POFUT3: variants seen among roughly 807,000 people sequenced by gnomAD.
POFUT3 encodes the protein GDP-fucose protein O-fucosyltransferase 3.
At chr8:33,406,580 C>G in the POFUT3 span, among the ~76,000 whole-genome samples, 1 of 151,828 alleles carries the variant, frequency 6.6e-6, no homozygotes, top group African/African-American at 2.4e-5. Flanking sequence ...ACCACAGGTG[C>G]ACTATCACGC....
chr8:33,468,239 C>CAA, the POFUT3 span, among the ~76,000 whole-genome samples: 5 of 124,822 alleles, frequency 4.0e-5, no homozygotes, highest in Admixed American at 2.6e-4. Context: ...AACTGTGTCT[C>CAA]AAAAAAAAAA....
At chr8:33,323,005 GC>G in the POFUT3 span, among the ~76,000 whole-genome samples, 1 of 151,816 alleles carries the variant, frequency 6.6e-6, no homozygotes, top group South Asian at 2.1e-4. Context: ...TCGTGAGGAT[GC>G]CAATTTTACA....
At chr8:33,380,163 CTATA>C in the POFUT3 span, among the ~76,000 whole-genome samples, 2 of 44,168 alleles carry the variant, frequency 4.5e-5, no homozygotes, top group African/African-American at 2.7e-4. Flanking sequence ...TATATATATA[CTATA>C]TATATATACT....
At chr8:33,355,534 T>G in the POFUT3 span, among the ~76,000 whole-genome samples, 1 of 152,166 alleles carries the variant, frequency 6.6e-6, no homozygotes, top group Non-Finnish European at 1.5e-5. Context: ...AAATTAACCA[T>G]CATGCATTAC....
the POFUT3 span, among the ~76,000 whole-genome samples, chr8:33,374,945 C>T: frequency 6.6e-6 from 1 of 151,098 alleles, no homozygotes; most frequent in Non-Finnish European, 1.5e-5. Context: ...ATGATCTCAG[C>T]TCACTGCAAC....
the POFUT3 span, among the ~76,000 whole-genome samples, chr8:33,465,507 G>C: frequency 6.6e-6 from 1 of 151,956 alleles, no homozygotes; most frequent in Non-Finnish European, 1.5e-5. Flanking sequence ...CTGTTGCCCA[G>C]GCTGGAGTGC....
At chr8:33,313,150 T>A in the POFUT3 span, among the ~76,000 whole-genome samples, 1 of 152,038 alleles carries the variant, frequency 6.6e-6, no homozygotes, top group Non-Finnish European at 1.5e-5. Context: ...GCATGCCAAG[T>A]GTTAATGGAG....
At chr8:33,399,708 G>A in the POFUT3 span, among the ~76,000 whole-genome samples, 12 of 151,598 alleles carry the variant, frequency 7.9e-5, no homozygotes, top group South Asian at 6.3e-4. Flanking sequence ...AGGCTGGAAT[G>A]CAGAGGCACA....
the POFUT3 span, among the ~76,000 whole-genome samples, chr8:33,380,017 A>AC: frequency 2.0e-5 from 1 of 50,474 alleles, no homozygotes; most frequent in African/African-American, 9.8e-5. Context: ...TATATATAGT[A>AC]TATATATATA....
At chr8:33,363,169 A>G in the POFUT3 span, among the ~76,000 whole-genome samples, 1 of 152,188 alleles carries the variant, frequency 6.6e-6, no homozygotes, top group African/African-American at 2.4e-5. Flanking sequence ...CTGAATGACT[A>G]CTGGTTAAAT....
chr8:33,308,108 G>A, the POFUT3 span, among the ~76,000 whole-genome samples: 1 of 152,116 alleles, frequency 6.6e-6, no homozygotes, highest in Non-Finnish European at 1.5e-5. Flanking sequence ...TAAAATGTAT[G>A]ATAACAACAT....
At chr8:33,396,926 C>A in the POFUT3 span, among the ~76,000 whole-genome samples, 1 of 152,158 alleles carries the variant, frequency 6.6e-6, no homozygotes, top group Admixed American at 6.5e-5. Context: ...TACTACAGAG[C>A]CTTTTACCCA....
chr8:33,380,204 A>C, the POFUT3 span, among the ~76,000 whole-genome samples: 2 of 60,388 alleles, frequency 3.3e-5, no homozygotes, highest in African/African-American at 1.4e-4. Context: ...TATATATACT[A>C]TATATATATA....
At chr8:33,391,376 G>A in the POFUT3 span, among the ~76,000 whole-genome samples, 3 of 152,160 alleles carry the variant, frequency 2.0e-5, no homozygotes, top group African/African-American at 4.8e-5. Flanking sequence ...ACGTACTAAC[G>A]TAAAAATGGG....
chr8:33,322,032 G>A, the POFUT3 span, among the ~76,000 whole-genome samples: 1 of 152,104 alleles, frequency 6.6e-6, no homozygotes, highest in African/African-American at 2.4e-5. Context: ...CACCACACAT[G>A]ATCAACCCTC....
the POFUT3 span, chr8:33,452,381 TTC>T: frequency 6.6e-6 from 1 of 152,164 alleles, no homozygotes. Flanking sequence ...TTAATCATTT[TTC>T]TGTTATTGGA....
At chr8:33,449,074 G>C in the POFUT3 span, among the ~76,000 whole-genome samples, 1 of 152,158 alleles carries the variant, frequency 6.6e-6, no homozygotes, top group Non-Finnish European at 1.5e-5. Flanking sequence ...CACTAGGGAA[G>C]AGAAGGTCAT....
the POFUT3 span, among the ~76,000 whole-genome samples, chr8:33,429,018 C>A: frequency 2.6e-5 from 4 of 152,200 alleles, no homozygotes; most frequent in African/African-American, 9.6e-5. Flanking sequence ...ATGCATGATG[C>A]TAAGTCACAG....
chr8:33,413,502 C>T, the POFUT3 span, among the ~76,000 whole-genome samples: 1 of 152,158 alleles, frequency 6.6e-6, no homozygotes, highest in Non-Finnish European at 1.5e-5. Flanking sequence ...CTATCCCTAC[C>T]TCCAAAACTG....
Sources: allele counts gnomAD v4.1 joint callset (sites outside exome capture counted in the v4.1 genomes callset), GRCh38; gene constraint gnomAD v4.1.1; transcripts MANE v1.5; gene names NCBI Gene and HGNC (gene_info 2026-07-23, HGNC 2026-07-21).